BLACAT1: variants seen among roughly 807,000 people sequenced by gnomAD.
BLACAT1 encodes BLACAT1 overlapping LEMD1 locus, also known as bladder cancer associated transcript 1.
At chr1:205,454,093 G>A (rs1666532179) in intron 1 of BLACAT1, among the ~76,000 whole-genome samples, 1 of 152,168 alleles carries the variant, frequency 6.6e-6, no homozygotes, top group South Asian at 2.1e-4. Context: ...GAAGGGTGGG[G>A]AGAATGGCTT....
At chr1:205,440,987 C>G in exon 2 of BLACAT1, 1 of 152,416 alleles carries the variant, frequency 6.6e-6, no homozygotes, top group East Asian at 1.9e-4. Context: ...TTGCAGAAGC[C>G]GTGGAGACCA....
chr1:205,444,788 A>T (rs1348072363), intron 1 of BLACAT1, among the ~76,000 whole-genome samples: 4 of 151,998 alleles, frequency 2.6e-5, no homozygotes, highest in Non-Finnish European at 4.4e-5. Flanking sequence ...ATTCTCTGAT[A>T]AACAAGAAGA....
chr1:205,454,313 G>A (rs1666535623), intron 1 of BLACAT1, among the ~76,000 whole-genome samples: 1 of 152,070 alleles, frequency 6.6e-6, no homozygotes, highest in South Asian at 2.1e-4. Flanking sequence ...CTCTTCCAGG[G>A]TTACACTGAA....
chr1:205,448,318 T>C lies in BLACAT1; in HGVS notation c.-36-7256A>G. On this transcript the variant is annotated intron_variant, in intron 1 of 1. Coordinates refer to ENST00000629624, the Ensembl canonical transcript of BLACAT1. This position sits in a 1 kb window ranked among gnomAD's most constrained non-coding sequence, Gnocchi z 4.7. ...GCAGGAGAAGGAGCTCGCCCCTCAC[T>C]GTAGCCCATGGCTTTTAGCCCTACA... 7.5e-6 allele frequency: 4 copies of C among 533,144 alleles called. No individual in the cohort carries two copies. The highest frequency in any genetic ancestry group is 5.6e-5 in the South Asian group (4 of 71,536). 33.0% of individuals were successfully genotyped at this position (533,144 alleles called of 1,614,324 possible).
At chr1:205,454,321 G>A (rs1666536040) in intron 1 of BLACAT1, among the ~76,000 whole-genome samples, 2 of 151,940 alleles carry the variant, frequency 1.3e-5, no homozygotes, top group Non-Finnish European at 2.9e-5. Context: ...GGGTTACACT[G>A]AATTTGATCC....
At chr1:205,451,279 G>A (rs1200930401) in intron 1 of BLACAT1, among the ~76,000 whole-genome samples, 1 of 152,174 alleles carries the variant, frequency 6.6e-6, no homozygotes, top group African/African-American at 2.4e-5. Flanking sequence ...GCCAATTCTA[G>A]AGCCTTGCCC....
downstream of BLACAT1, chr1:205,436,641 G>C (rs1179277839): frequency 6.6e-6 from 1 of 152,082 alleles, no homozygotes; most frequent in African/African-American, 2.4e-5. Flanking sequence ...CTTGCTTTTG[G>C]GTCAGAGAGA....
At chr1:205,439,807 C>T (rs879603739), downstream of BLACAT1, among the ~76,000 whole-genome samples, 2 of 152,134 alleles carry the variant, frequency 1.3e-5, no homozygotes, top group Non-Finnish European at 1.5e-5. Flanking sequence ...CGGAGAACTC[C>T]AGGATTAAAG....
rs1009691153 is a variant in BLACAT1, at chr1:205,450,211, C to T, written c.-37+5706G>A. 2.0e-5 allele frequency among the ~76,000 whole-genome samples: 3 copies of T among 152,122 alleles called. No individual in the cohort carries two copies. The highest frequency in any genetic ancestry group is 1.9e-4 in the East Asian group (1 of 5,158). ...CTCATTGAGCCTCTGGCTGTCTGGT[C>T]GGTGAAGCACAAACCTCTTGTATCT... On this transcript the variant is annotated intron_variant, in intron 1 of 1. Transcript: ENST00000629624. The surrounding 1 kb of genome is among the most constrained non-coding windows in gnomAD (Gnocchi z 4.4).
chr1:205,438,134 T>C (rs1347767391), downstream of BLACAT1, among the ~76,000 whole-genome samples: 3 of 152,206 alleles, frequency 2.0e-5, no homozygotes, highest in Non-Finnish European at 2.9e-5. Context: ...CTTCTTGATC[T>C]TCCATTCAGC....
intron 1 of BLACAT1, among the ~76,000 whole-genome samples, chr1:205,453,776 T>C (rs1666527489): frequency 6.6e-6 from 1 of 152,098 alleles, no homozygotes; most frequent in South Asian, 2.1e-4. Flanking sequence ...GAGGTTCTTG[T>C]GTTACAAGAA....
exon 3 of BLACAT1, chr1:205,434,913 T>C (rs1403914700): frequency 6.6e-6 from 1 of 152,238 alleles, no homozygotes; most frequent in Non-Finnish European, 1.5e-5. Context: ...ATTACAGCAA[T>C]TAACAGAGCA....
rs1372131856 is a variant in BLACAT1 at position 205,450,568 on chromosome 1, T to TC, written c.-37+5348dup. ...CACTTATCTGTCCTTCCATTTCCTT[T>TC]CTCAGACCTGCTCGAGCCTGGCCCC... On this transcript the variant is annotated intron_variant, in intron 1 of 1. Coordinates refer to ENST00000629624, the Ensembl canonical transcript of BLACAT1. This position sits in a 1 kb window ranked among gnomAD's most constrained non-coding sequence, Gnocchi z 4.4. Among the ~76,000 whole-genome samples the TC allele has an allele frequency of 6.6e-6, 1 of 151,512 alleles. No individual in the cohort carries two copies. The highest frequency in any genetic ancestry group is 1.5e-5 in the Non-Finnish European group (1 of 67,886).
downstream of BLACAT1, among the ~76,000 whole-genome samples, chr1:205,438,685 T>C (rs1052775834): frequency 2.0e-5 from 3 of 152,024 alleles, no homozygotes; most frequent in Non-Finnish European, 2.9e-5. Flanking sequence ...CAGCCCTGGG[T>C]GAAGAAGGGG....
chr1:205,443,798 G>C (rs925731732), intron 1 of BLACAT1, among the ~76,000 whole-genome samples: 11 of 152,182 alleles, frequency 7.2e-5, no homozygotes, highest in African/African-American at 2.4e-4. Context: ...CCCCTGAAGT[G>C]GGGGGACATG....
chr1:205,438,787 A>G (rs75523989), downstream of BLACAT1, among the ~76,000 whole-genome samples: 3,649 of 152,072 alleles, frequency 0.024, 167 homozygotes, highest in African/African-American at 0.083. Flanking sequence ...AGGGCTCAAG[A>G]TATCTAGTAT....
In BLACAT1 at chr1:205,454,554, G is replaced by C. The variant is rs570334516; in HGVS notation, c.-37+1363C>G. ...TGTGTGTGTGTGTGTGTGTGTGAGA[G>C]AGAGAGAGAGAGATCCTCTTTTCCT... On this transcript the variant is annotated intron_variant, in intron 1 of 1. Coordinates refer to ENST00000629624, the Ensembl canonical transcript of BLACAT1. Among the ~76,000 whole-genome samples, 145 of 151,948 alleles carry C rather than the reference G, an allele frequency of 9.5e-4. 1 individual carries two copies. Among genetic ancestry groups the C allele is most frequent in the African/African-American group, 3.3e-3 (137 of 41,438 alleles).
At chr1:205,444,443 C>A (rs1374462970) in intron 1 of BLACAT1, among the ~76,000 whole-genome samples, 2 of 152,120 alleles carry the variant, frequency 1.3e-5, no homozygotes, top group Non-Finnish European at 2.9e-5. Context: ...TCCTCCCCCA[C>A]CACTAGGAGG....
intron 1 of BLACAT1, among the ~76,000 whole-genome samples, chr1:205,451,501 C>T (rs1666497206): frequency 1.3e-5 from 2 of 152,202 alleles, no homozygotes; most frequent in South Asian, 4.1e-4. Flanking sequence ...CCCTGCTTGC[C>T]TGCCCTTGCT....
Sources: gnomAD v4.1 joint callset for allele counts (sites outside exome capture counted in the v4.1 genomes callset) on GRCh38, gnomAD v4.1.1 for gene constraint, Gnocchi (gnomAD v3.1) non-coding constraint, MANE v1.5 for transcripts, NCBI Gene and HGNC (gene_info 2026-07-23, HGNC 2026-07-21) for gene names.